The following HPSE2 variants were observed in gnomAD, a reference collection of about 807,000 sequenced individuals.
HPSE2 encodes the protein inactive heparanase-2.
In HPSE2, 38 loss-of-function variants were observed where a neutral mutation model predicts 60.5. The observed-to-expected ratio is 0.63, with a 90% confidence interval of 0.48 to 0.82. HPSE2 has a LOEUF of 0.82. Among genes scored for constraint, HPSE2 ranks in the 40% least tolerant of loss-of-function variants. The pLI is 0.00. For synonymous variants in HPSE2, 295 were observed against 293.2 expected, an observed-to-expected ratio of 1.01 and a Z score of -0.06; for missense variants, 713 against 740.4, an observed-to-expected ratio of 0.96 and a Z score of 0.43.
intron 9 of HPSE2, among the ~76,000 whole-genome samples, chr10:98,601,410 C>A (rs975605549): frequency 6.6e-6 from 1 of 152,148 alleles, no homozygotes; most frequent in African/African-American, 2.4e-5. Flanking sequence ...TCAGATTAAT[C>A]AGAGTAGCTG....
chr10:98,570,425 T>C (rs1944461933), intron 9 of HPSE2, among the ~76,000 whole-genome samples: 1 of 149,924 alleles, frequency 6.7e-6, no homozygotes, highest in Non-Finnish European at 1.5e-5. Flanking sequence ...ACTTTCCCTC[T>C]GGACTAAGAG....
the HPSE2 span, among the ~76,000 whole-genome samples, chr10:99,284,431 T>C: frequency 6.6e-6 from 1 of 152,024 alleles, no homozygotes; most frequent in African/African-American, 2.4e-5. Flanking sequence ...TCATACTCAA[T>C]GGCAAAAGAA....
At chr10:99,142,653 T>C (rs1564840941) in intron 3 of HPSE2, among the ~76,000 whole-genome samples, 1 of 152,142 alleles carries the variant, frequency 6.6e-6, no homozygotes, top group African/African-American at 2.4e-5. Flanking sequence ...GTTGTCAGGG[T>C]AAAAGTTGAC....
intron 3 of HPSE2, among the ~76,000 whole-genome samples, chr10:98,858,276 T>G (rs945100295): frequency 2.6e-5 from 4 of 152,198 alleles, no homozygotes; most frequent in Non-Finnish European, 5.9e-5. Flanking sequence ...ATTCTGCCAC[T>G]CTTGACCTTG....
At chr10:99,158,303 C>T (rs1341780248) in intron 2 of HPSE2, among the ~76,000 whole-genome samples, 14 of 110,390 alleles carry the variant, frequency 1.3e-4, no homozygotes, top group Admixed American at 9.3e-4. Flanking sequence ...CACATGCACA[C>T]GTATGTTTAT....
At chr10:98,698,697 C>T (rs2134184886) in intron 5 of HPSE2, among the ~76,000 whole-genome samples, 1 of 152,136 alleles carries the variant, frequency 6.6e-6, no homozygotes, top group Non-Finnish European at 1.5e-5. Context: ...TTAATGAATC[C>T]AGGAGCTGGT....
chr10:98,476,602 C>T (rs1240673168), intron 11 of HPSE2, among the ~76,000 whole-genome samples: 3 of 151,958 alleles, frequency 2.0e-5, no homozygotes, highest in Admixed American at 6.6e-5. Flanking sequence ...CCAGCCTGGC[C>T]AACATGGTGG....
chr10:98,694,627 C>T (rs114138677), intron 5 of HPSE2, among the ~76,000 whole-genome samples: 1,669 of 152,286 alleles, frequency 0.011, 25 homozygotes, highest in African/African-American at 0.038. Flanking sequence ...GCCAGCAGTT[C>T]CCCAGCTTCT....
chr10:99,066,692 C>T (rs750690135), intron 3 of HPSE2, among the ~76,000 whole-genome samples: 1 of 152,166 alleles, frequency 6.6e-6, no homozygotes, highest in Non-Finnish European at 1.5e-5. Context: ...CACCTGGTCC[C>T]ACCCTTGACA....
intron 2 of HPSE2, among the ~76,000 whole-genome samples, chr10:99,231,665 G>A (rs774310002): frequency 6.6e-6 from 1 of 151,582 alleles, no homozygotes; most frequent in Non-Finnish European, 1.5e-5. Context: ...CGTCAGGAAA[G>A]AAAGCTGGCA....
intron 6 of HPSE2, among the ~76,000 whole-genome samples, chr10:98,668,329 C>T (rs1947421090): frequency 6.6e-6 from 1 of 152,048 alleles, no homozygotes; most frequent in Admixed American, 6.6e-5. Context: ...GTTAAAATGG[C>T]CACACTTTCC....
chr10:99,238,323 A>G (rs1849903334), upstream of HPSE2, among the ~76,000 whole-genome samples: 1 of 152,214 alleles, frequency 6.6e-6, no homozygotes, highest in Non-Finnish European at 1.5e-5. Context: ...GAACTTGAGT[A>G]TAATGAGAAT....
chr10:98,476,071 C>T (rs1467794615), intron 11 of HPSE2, among the ~76,000 whole-genome samples: 1 of 151,820 alleles, frequency 6.6e-6, no homozygotes, highest in Admixed American at 6.6e-5. Context: ...TTGGAACCAA[C>T]CCAAGTGTCC....
intron 3 of HPSE2, among the ~76,000 whole-genome samples, chr10:99,133,207 G>A (rs1281072713): frequency 6.6e-6 from 1 of 152,192 alleles, no homozygotes; most frequent in African/African-American, 2.4e-5. Context: ...CTCTGGGCAG[G>A]GCATGTCTGA....
intron 6 of HPSE2, among the ~76,000 whole-genome samples, chr10:98,677,909 C>T (rs1360258546): frequency 1.3e-5 from 2 of 152,148 alleles, no homozygotes; most frequent in Admixed American, 6.6e-5. Context: ...TTATTAGAGT[C>T]ATTTTGCTCA....
At chr10:99,283,216 AC>A in the HPSE2 span, among the ~76,000 whole-genome samples, 4 of 5,490 alleles carry the variant, frequency 7.3e-4, no homozygotes, top group East Asian at 4.5e-3. Flanking sequence ...AAAAAAAAAA[AC>A]AGAAGGATTT....
chr10:98,804,176 T>A (rs1950986047), intron 3 of HPSE2, among the ~76,000 whole-genome samples: 1 of 152,152 alleles, frequency 6.6e-6, no homozygotes, highest in Non-Finnish European at 1.5e-5. Context: ...TGATTTTGTA[T>A]CCTGAGACTT....
chr10:99,234,000 A>AC (rs1490504499), intron 1 of HPSE2, among the ~76,000 whole-genome samples: 2 of 152,186 alleles, frequency 1.3e-5, no homozygotes, highest in Non-Finnish European at 2.9e-5. Context: ...TTAAAAAAAG[A>AC]AAGAAAGCTG....
intron 3 of HPSE2, among the ~76,000 whole-genome samples, chr10:98,852,113 A>G (rs867556241): frequency 1.1e-5 from 1 of 91,930 alleles, no homozygotes; most frequent in East Asian, 3.8e-4. Context: ...GTATATTATG[A>G]TGTGTGTGTG....
Sources: allele counts gnomAD v4.1 joint callset (sites outside exome capture counted in the v4.1 genomes callset), GRCh38; gene constraint gnomAD v4.1.1; transcripts MANE v1.5; gene names NCBI Gene and HGNC (gene_info 2026-07-23, HGNC 2026-07-21).